The following ITIH6 variants were observed in gnomAD, a reference collection of about 807,000 sequenced individuals.
The protein encoded by ITIH6 is inter-alpha-trypsin inhibitor heavy chain H6.
A neutral mutation model predicts 58.2 loss-of-function variants in ITIH6; 60 were observed. The observed-to-expected ratio is 1.03, with a 90% CI of 0.84 to 1.28. The LOEUF is 1.28. ITIH6 is among the 50% of genes most tolerant of loss of function. The pLI, the probability that ITIH6 is intolerant of heterozygous loss-of-function variation, is 0.00. For missense variants in ITIH6, 1,290 were observed against 1,021.1 expected, an observed-to-expected ratio of 1.26 and a Z score of -3.59; for synonymous variants, 493 against 417.4, an observed-to-expected ratio of 1.18 and a Z score of -2.21.
intron 7 of ITIH6, among the ~76,000 whole-genome samples, 188 bp from the exon 8 acceptor site, chrX:54,759,186 C>T (rs1041489485): frequency 9.0e-6 from 1 of 111,205 alleles, no homozygotes; most frequent in Non-Finnish European, 1.9e-5. Flanking sequence ...TTGGGGCCCA[C>T]ATGTCCTTGG....
rs1216493107 is a variant in ITIH6 at position 54,798,119 on chromosome X, G to C, written c.92C>G (p.Ser31Ter). ...CATCCCAGAACTGACCTTTGTGCTT[G>C]ATGAAGCGGGGACAGGGGGTCCCTG... ...TYQGPPVPAS[S>*]STKLLMTSYS... Residue 31 changes from serine to a stop codon, truncating the protein, a stop_gained, in exon 1 of 13, where the codon TCA becomes TGA. Coordinates refer to ENST00000218436, the MANE Select transcript of ITIH6 (RefSeq NM_198510.3). LOFTEE classifies it high-confidence loss of function. The C allele has an allele frequency of 8.5e-7, 1 of 1,178,755 alleles. No homozygotes were observed. Among genetic ancestry groups the C allele is most frequent in the Non-Finnish European group, 1.1e-6 (1 of 876,964 alleles).
rs1000941678 is a variant in ITIH6, at chrX:54,757,333, G to A, written c.2741C>T (p.Pro914Leu). The A allele has an allele frequency of 1.7e-6, 2 of 1,200,096 alleles. No individual in the cohort carries two copies. Among genetic ancestry groups the A allele is most frequent in the Non-Finnish European group, 2.2e-6 (2 of 890,123 alleles). ...GACAGAGGTGGTTGTGGTACTGCTGGGACCTGTGGAACTTGAGATTGTATT... is the reference window on the plus strand; with the variant it reads ...GACAGAGGTGGTTGTGGTACTGCTGAGACCTGTGGAACTTGAGATTGTATT... The part of the protein sequence containing the change: ...FPNTISSSTG[P>L]SSTTTTSVLG... Residue 914 changes from proline to leucine, a missense_variant, in exon 8 of 13, where the codon CCC becomes CTC. Coordinates refer to ENST00000218436, the MANE Select transcript of ITIH6 (RefSeq NM_198510.3).
At position 54,748,995 on chromosome X, in the gene ITIH6, CT is replaced by C. The variant is rs1228181575; in HGVS notation, c.*899del. The C allele has an allele frequency of 9.0e-6, 1 of 111,163 alleles. No homozygotes were observed. The highest frequency in any genetic ancestry group is 3.3e-5 in the African/African-American group (1 of 30,497). The allele number at this position is 111,163 out of a possible 1,213,427, so 9.2% of individuals were successfully genotyped here. A position where few individuals can be genotyped will look rare whatever the true frequency, so the allele number is the denominator to read the frequency against. On this transcript the variant is annotated 3_prime_UTR_variant, in exon 13 of 13. Coordinates refer to ENST00000218436, the MANE Select transcript of ITIH6 (RefSeq NM_198510.3). Reference sequence around the variant, plus strand: ...CCCATCTTTTTATGTCTCTATACCCCTATGTCCATGTTTGTTTTGTGATTCC... The same window carrying C: ...CCCATCTTTTTATGTCTCTATACCCCATGTCCATGTTTGTTTTGTGATTCC...
At chrX:54,772,768 G>C (rs1455422196) in intron 6 of ITIH6, among the ~76,000 whole-genome samples, 1 of 112,038 alleles carries the variant, frequency 8.9e-6, no homozygotes, top group Non-Finnish European at 1.9e-5. Flanking sequence ...TTAGTTGTCA[G>C]AGGCTAAAAC....
At chrX:54,750,581 C>A (rs1368151204) in intron 12 of ITIH6, among the ~76,000 whole-genome samples, 1 of 111,582 alleles carries the variant, frequency 9.0e-6, no homozygotes, top group African/African-American at 3.3e-5. Flanking sequence ...GCTTACAACC[C>A]TTCATGGCTC....
At chrX:54,767,240 C>G (rs1928812176) in intron 6 of ITIH6, among the ~76,000 whole-genome samples, 1 of 104,317 alleles carries the variant, frequency 9.6e-6, no homozygotes, top group South Asian at 4.2e-4. Context: ...GTGATATCCC[C>G]TTTATCATTT....
At chrX:54,787,875 TGA>T (rs768576451) in intron 5 of ITIH6, 1 of 111,416 alleles carries the variant, frequency 9.0e-6, no homozygotes, top group South Asian at 3.9e-4. Context: ...GTGCTGGGGT[TGA>T]GAGTCCTGTG....
chrX:54,791,364 A>G (rs1003233355), intron 3 of ITIH6, among the ~76,000 whole-genome samples: 2 of 109,549 alleles, frequency 1.8e-5, no homozygotes, highest in Non-Finnish European at 3.8e-5. Flanking sequence ...AAATCTGAAT[A>G]TATAACAGAC....
Position 54,757,901 on chromosome X carries a change from GT to G in ITIH6, c.2172del (p.Lys724AsnfsTer16). On this transcript the variant is annotated frameshift_variant, in exon 8 of 13. Transcript: ENST00000218436. LOFTEE classifies it high-confidence loss of function. Reference protein sequence around the residue: ...GTLAQPTLRTKPTILVPSNSG... With the variant: ...GTLAQPTLRTXPTILVPSNSG... ...GAATTTGAGGGCACAAGAATGGTAGGTTTTGTCCTGAGAGTTGGCTGGGCCA... is the reference window on the plus strand; with the variant it reads ...GAATTTGAGGGCACAAGAATGGTAGGTTTGTCCTGAGAGTTGGCTGGGCCA... 8.3e-7 allele frequency: 1 copy of G among 1,211,588 alleles called. No homozygotes were observed. The highest frequency in any genetic ancestry group is 1.1e-6 in the Non-Finnish European group (1 of 895,368).
In ITIH6 at chrX:54,755,014, C is replaced by A; in HGVS notation, c.3202+3G>T. 1 of 1,199,715 alleles carries A rather than the reference C, an allele frequency of 8.3e-7. No individual in the cohort carries two copies. The highest frequency in any genetic ancestry group is 1.1e-6 in the Non-Finnish European group (1 of 885,018). ...ATCTTTGTCAGGAGAGCTCCTTGCT[C>A]ACCTTTTGCTAACCCCACAGAACTT... is the stretch of plus-strand genomic sequence containing the variant. On this transcript the variant is annotated splice_donor_region_variant and intron_variant, in intron 9 of 12. Transcript: ENST00000218436.
At chrX:54,771,883 T>C (rs915494407) in intron 6 of ITIH6, among the ~76,000 whole-genome samples, 9 of 111,804 alleles carry the variant, frequency 8.0e-5, no homozygotes, top group African/African-American at 2.3e-4. Context: ...AAGGGAACGC[T>C]TATACACTGT....
intron 5 of ITIH6, among the ~76,000 whole-genome samples, chrX:54,785,418 G>A (rs1418400450): frequency 9.0e-6 from 1 of 111,469 alleles, no homozygotes; most frequent in Non-Finnish European, 1.9e-5. Flanking sequence ...AATCGGTACC[G>A]TGTGATGTGA....
intron 6 of ITIH6, 50 bp from the exon 7 acceptor site, chrX:54,759,977 T>C (rs367706865): frequency 4.2e-5 from 45 of 1,059,036 alleles, no homozygotes; most frequent in Non-Finnish European, 5.4e-5. Flanking sequence ...TTGAGGTCTA[T>C]GAGATTGAAA....
chrX:54,759,290 C>A (rs1928583197), intron 7 of ITIH6, among the ~76,000 whole-genome samples: 1 of 110,345 alleles, frequency 9.1e-6, no homozygotes, highest in Non-Finnish European at 1.9e-5. Context: ...GCCAGACTGG[C>A]AGGCTCCCAA....
chrX:54,779,575 A>G (rs1426953175), intron 5 of ITIH6, among the ~76,000 whole-genome samples: 1 of 111,103 alleles, frequency 9.0e-6, no homozygotes, highest in Non-Finnish European at 1.9e-5. Context: ...AAACTAAATC[A>G]TATTACCAAA....
chrX:54,795,306 T>C (rs1929420767), intron 2 of ITIH6, among the ~76,000 whole-genome samples: 1 of 112,722 alleles, frequency 8.9e-6, no homozygotes, highest in Admixed American at 9.3e-5. Context: ...GGCTTTTTCC[T>C]TATCCTTTAG....
intron 6 of ITIH6, among the ~76,000 whole-genome samples, chrX:54,765,640 A>G: frequency 1.1e-5 from 1 of 92,214 alleles, no homozygotes. Context: ...TCTGTTGCCC[A>G]GGCCAGACTG....
At chrX:54,796,619 T>G (rs7879552) in intron 2 of ITIH6, among the ~76,000 whole-genome samples, 52,768 of 105,516 alleles carry the variant, frequency 0.5, 11,958 homozygotes, top group African/African-American at 0.85. Context: ...GGGAGGTGGA[T>G]GTTGCAGTGA....
In ITIH6 at chrX:54,751,371, A is replaced by G; in HGVS notation, c.3362T>C (p.Val1121Ala). Reference sequence around the variant, plus strand: ...TGGTGCGCCAAGCAGCTTCCCACTCACATGCAGCCCTGGAGGGAGGGGAGT... The same window carrying G: ...TGGTGCGCCAAGCAGCTTCCCACTCGCATGCAGCCCTGGAGGGAGGGGAGT... ...LIEDPKAGLH[V>A]SGKLLGAPPR... is the part of the protein sequence containing the mutation. Residue 1121 changes from valine (V) to alanine (A), a missense_variant, in exon 12 of 13, where the codon GTG becomes GCG. Transcript: ENST00000218436. 8.3e-7 allele frequency: 1 copy of G among 1,210,530 alleles called. No individual in the cohort carries two copies. The highest frequency in any genetic ancestry group is 1.1e-6 in the Non-Finnish European group (1 of 894,841).
Sources: gnomAD v4.1 joint callset for allele counts (sites outside exome capture counted in the v4.1 genomes callset) on GRCh38, gnomAD v4.1.1 for gene constraint, MANE v1.5 for transcripts, NCBI Gene and HGNC (gene_info 2026-07-23, HGNC 2026-07-21) for gene names.